Variants in GSK3B observed in about 807,000 individuals in gnomAD.
GSK3B encodes glycogen synthase kinase 3 beta, also known as glycogen synthase kinase-3 beta.
A neutral mutation model predicts 56.4 loss-of-function variants in GSK3B; 15 were observed. The observed-to-expected ratio is 0.27, with a 90% CI of 0.18 to 0.41. The LOEUF is 0.41. GSK3B is among the 10% of genes least tolerant of loss of function. The pLI is 1.00. For synonymous variants in GSK3B, 181 were observed against 188.9 expected, an observed-to-expected ratio of 0.96 and a Z score of 0.34; for missense variants, 300 against 513.4, an observed-to-expected ratio of 0.58 and a Z score of 4.02.
At chr3:120,072,720 T>C (rs2058336737) in intron 1 of GSK3B, among the ~76,000 whole-genome samples, 1 of 152,330 alleles carries the variant, frequency 6.6e-6, no homozygotes, top group South Asian at 2.1e-4. Context: ...TTTTTCAACA[T>C]TCATCATTTA....
At chr3:120,018,866 A>C (rs888887357) in intron 1 of GSK3B, among the ~76,000 whole-genome samples, 6 of 152,222 alleles carry the variant, frequency 3.9e-5, no homozygotes, top group African/African-American at 1.2e-4. Flanking sequence ...GATAGCAAAC[A>C]TTTAAACACT....
At chr3:120,052,258 T>C (rs1438841939) in intron 1 of GSK3B, among the ~76,000 whole-genome samples, 1 of 152,204 alleles carries the variant, frequency 6.6e-6, no homozygotes, top group Non-Finnish European at 1.5e-5. Flanking sequence ...ACTAAATTGA[T>C]GGTTGTCAAA....
At chr3:120,014,424 CA>C (rs1343641129) in intron 1 of GSK3B, among the ~76,000 whole-genome samples, 1 of 151,990 alleles carries the variant, frequency 6.6e-6, no homozygotes. Context: ...TTAGAAAATT[CA>C]AAAATGAACT....
intron 2 of GSK3B, among the ~76,000 whole-genome samples, chr3:119,999,709 T>C (rs1017120225): frequency 6.6e-5 from 10 of 152,306 alleles, no homozygotes; most frequent in Middle Eastern, 3.4e-3. Context: ...GGAAGTTTCA[T>C]ACAGGAAGAA....
intron 2 of GSK3B, among the ~76,000 whole-genome samples, chr3:119,960,390 A>G (rs768180357): frequency 1.4e-4 from 22 of 152,124 alleles, no homozygotes; most frequent in Non-Finnish European, 2.9e-4. Flanking sequence ...CATGGTCTAT[A>G]CACAAACCTA....
At chr3:119,918,252 C>T (rs1365971049) in intron 4 of GSK3B, among the ~76,000 whole-genome samples, 1 of 151,958 alleles carries the variant, frequency 6.6e-6, no homozygotes, top group Non-Finnish European at 1.5e-5. Context: ...AGGCGGGTTG[C>T]CTGAGCTCAG....
intron 8 of GSK3B, among the ~76,000 whole-genome samples, chr3:119,875,942 C>T (rs1159517390): frequency 6.6e-6 from 1 of 152,022 alleles, no homozygotes; most frequent in African/African-American, 2.4e-5. Context: ...GCTTTCTAAT[C>T]TTGTTTCCAA....
intron 1 of GSK3B, among the ~76,000 whole-genome samples, chr3:120,017,712 T>C (rs2057838658): frequency 6.6e-6 from 1 of 152,262 alleles, no homozygotes; most frequent in South Asian, 2.1e-4. Context: ...AAGTCAGTCC[T>C]ACATACTTTA....
intron 1 of GSK3B, among the ~76,000 whole-genome samples, chr3:120,006,833 C>G (rs1191862024): frequency 6.6e-6 from 1 of 151,728 alleles, no homozygotes; most frequent in South Asian, 2.1e-4. Flanking sequence ...AATCAACATC[C>G]TAACATCACA....
chr3:119,989,707 G>A (rs2107464524), intron 2 of GSK3B, among the ~76,000 whole-genome samples: 1 of 152,016 alleles, frequency 6.6e-6, no homozygotes, highest in South Asian at 2.1e-4. Context: ...CAGATTCTTG[G>A]TTTGGAAACA....
At chr3:119,973,920 G>A (rs1408681232) in intron 2 of GSK3B, among the ~76,000 whole-genome samples, 2 of 152,142 alleles carry the variant, frequency 1.3e-5, no homozygotes, top group Non-Finnish European at 2.9e-5. Flanking sequence ...TTAAAGAAAT[G>A]AATCTAAGCA....
At chr3:119,895,781 G>A (rs949967984) in intron 7 of GSK3B, among the ~76,000 whole-genome samples, 18 of 152,020 alleles carry the variant, frequency 1.2e-4, no homozygotes, top group Non-Finnish European at 1.8e-4. Context: ...CTACATTCAC[G>A]CCAGTAATAC....
chr3:120,018,302 A>C (rs2057843835), intron 1 of GSK3B, among the ~76,000 whole-genome samples: 1 of 152,204 alleles, frequency 6.6e-6, no homozygotes, highest in Non-Finnish European at 1.5e-5. Flanking sequence ...TTAAAAGTAC[A>C]GTATTCACAG....
At chr3:120,034,928 C>T (rs1014664279) in intron 1 of GSK3B, among the ~76,000 whole-genome samples, 2 of 151,974 alleles carry the variant, frequency 1.3e-5, no homozygotes, top group Non-Finnish European at 2.9e-5. Context: ...CTCACCTCTA[C>T]TAAAAATACA....
chr3:120,011,116 T>C (rs779403427), intron 1 of GSK3B, among the ~76,000 whole-genome samples: 1 of 152,166 alleles, frequency 6.6e-6, no homozygotes. Flanking sequence ...TTTAATTAAC[T>C]GAAAAACGGA....
Position 119,834,479 on chromosome 3 carries a change from C to T in GSK3B, c.1196-7624G>A, listed in dbSNP as rs1246435524. ...TGAGCCAACCCCATCCACCAGGATACCTGGAAGACCTGTCAATAAGACTGT... is the reference window on the plus strand; with the variant it reads ...TGAGCCAACCCCATCCACCAGGATATCTGGAAGACCTGTCAATAAGACTGT... On this transcript the variant is annotated intron_variant, in intron 10 of 10. Transcript: ENST00000264235. Among the ~76,000 whole-genome samples the T allele has an allele frequency of 3.3e-5, 5 of 152,112 alleles. No homozygotes were observed. In the South Asian group the frequency reaches 1.0e-3, roughly 32 times the overall value.
intron 4 of GSK3B, among the ~76,000 whole-genome samples, chr3:119,917,323 TG>T (rs1275333585): frequency 3.3e-5 from 5 of 152,202 alleles, no homozygotes; most frequent in African/African-American, 9.6e-5. Context: ...AACTATTAGC[TG>T]GAAAAGTTTA....
chr3:120,080,475 C>T (rs939530470), intron 1 of GSK3B, among the ~76,000 whole-genome samples: 1 of 152,092 alleles, frequency 6.6e-6, no homozygotes, highest in African/African-American at 2.4e-5. Context: ...AGCTCTAGAA[C>T]TGACATACTA....
At chr3:120,055,339 T>C (rs903036064) in intron 1 of GSK3B, among the ~76,000 whole-genome samples, 11 of 152,166 alleles carry the variant, frequency 7.2e-5, no homozygotes, top group Admixed American at 5.9e-4. Context: ...TCAACTAGCA[T>C]TTTTTCAATA....
Sources: gnomAD v4.1 joint callset for allele counts (sites outside exome capture counted in the v4.1 genomes callset) on GRCh38, gnomAD v4.1.1 for gene constraint, MANE v1.5 for transcripts, NCBI Gene and HGNC (gene_info 2026-07-23, HGNC 2026-07-21) for gene names.